The following CCDC102B variants were observed in gnomAD, a reference collection of about 807,000 sequenced individuals.
CCDC102B encodes coiled-coil domain-containing protein 102B.
CCDC102B carries 75 observed loss-of-function variants against 57.4 expected under a neutral mutation model. The observed-to-expected ratio is 1.31, with a 90% CI of 1.08 to 1.58. CCDC102B has a LOEUF of 1.58. CCDC102B is among the 40% of genes most tolerant of loss of function. The pLI is 0.00. For missense variants in CCDC102B, 636 were observed against 582.6 expected, an observed-to-expected ratio of 1.09 and a Z score of -0.94; for synonymous variants, 206 against 201.9, an observed-to-expected ratio of 1.02 and a Z score of -0.17.
chr18:68,886,557 G>A (rs757340340), intron 5 of CCDC102B, among the ~76,000 whole-genome samples: 15 of 152,070 alleles, frequency 9.9e-5, no homozygotes, highest in Non-Finnish European at 2.1e-4. Context: ...AAAGATTCTT[G>A]ATATATTGTG....
At chr18:68,950,615 A>G (rs1376161141) in intron 6 of CCDC102B, among the ~76,000 whole-genome samples, 4 of 152,108 alleles carry the variant, frequency 2.6e-5, no homozygotes, top group African/African-American at 7.2e-5. Context: ...GTCGATTCTC[A>G]ATCTGTTTCC....
At chr18:68,768,295 C>A (rs1042701349) in intron 2 of CCDC102B, among the ~76,000 whole-genome samples, 1 of 152,202 alleles carries the variant, frequency 6.6e-6, no homozygotes, top group African/African-American at 2.4e-5. Flanking sequence ...CTAATGATAG[C>A]CTTTTCCAGG....
intron 2 of CCDC102B, among the ~76,000 whole-genome samples, chr18:68,749,489 C>T (rs2033759975): frequency 6.6e-6 from 1 of 152,166 alleles, no homozygotes; most frequent in Non-Finnish European, 1.5e-5. Flanking sequence ...AGAGGTCCTT[C>T]ACATCCCTTG....
At chr18:68,807,460 T>C (rs2036075425) in intron 1 of CCDC102B, among the ~76,000 whole-genome samples, 1 of 152,144 alleles carries the variant, frequency 6.6e-6, no homozygotes, top group Non-Finnish European at 1.5e-5. Context: ...GATATGACGT[T>C]ACAGGAATTA....
chr18:68,795,837 C>T (rs1036693258), upstream of CCDC102B, among the ~76,000 whole-genome samples: 1 of 152,092 alleles, frequency 6.6e-6, no homozygotes, highest in African/African-American at 2.4e-5. Context: ...GCAAAAGAAG[C>T]CTCAAAAACA....
intron 6 of CCDC102B, among the ~76,000 whole-genome samples, chr18:68,999,460 A>C (rs1007034934): frequency 2.7e-5 from 4 of 150,014 alleles, no homozygotes; most frequent in African/African-American, 4.9e-5. Context: ...AAAAAAAAAA[A>C]CCCAGTATGG....
chr18:68,785,861 T>G (rs1165343566), intron 2 of CCDC102B, among the ~76,000 whole-genome samples: 2 of 150,796 alleles, frequency 1.3e-5, no homozygotes, highest in South Asian at 2.1e-4. Context: ...TTTTGGCTTT[T>G]GTTGCCATTG....
At chr18:68,915,081 GT>G (rs1416217291) in intron 6 of CCDC102B, among the ~76,000 whole-genome samples, 6 of 152,090 alleles carry the variant, frequency 3.9e-5, no homozygotes, top group Non-Finnish European at 7.4e-5. Flanking sequence ...CTTAAGTGAT[GT>G]ATTTTTAAGG....
chr18:69,018,598 C>T (rs1839725878), intron 7 of CCDC102B, among the ~76,000 whole-genome samples: 1 of 151,868 alleles, frequency 6.6e-6, no homozygotes, highest in African/African-American at 2.4e-5. Context: ...CGTATTCTGC[C>T]CATTTTTTAA....
rs374381297 is a variant in CCDC102B at position 68,837,379 on chromosome 18, A to G, written c.606+10A>G. 23 of 1,595,768 alleles carry G rather than the reference A, an allele frequency of 1.4e-5. No homozygotes were observed. In the African/African-American group the frequency reaches 3.1e-4, roughly 22 times the overall value. Reference sequence around the variant, plus strand: ...GGACACAAATAATAAGGTAAGAAAAAAATCCAGAGATGATGTGAATTTCTG... The same window carrying G: ...GGACACAAATAATAAGGTAAGAAAAGAATCCAGAGATGATGTGAATTTCTG... On this transcript the variant is annotated intron_variant, in intron 2 of 7. Transcript: ENST00000360242.
chr18:68,840,825 C>T (rs942306732), intron 3 of CCDC102B, among the ~76,000 whole-genome samples: 3 of 152,126 alleles, frequency 2.0e-5, no homozygotes, highest in Non-Finnish European at 2.9e-5. Flanking sequence ...TGTCTTAACA[C>T]GCTTATCCAT....
intron 7 of CCDC102B, among the ~76,000 whole-genome samples, chr18:69,021,162 A>G (rs2051822782): frequency 6.6e-6 from 1 of 152,222 alleles, no homozygotes; most frequent in Admixed American, 6.5e-5. Context: ...AACTGACAGA[A>G]CATTAATTAT....
chr18:68,950,618 C>T (rs2049670524), intron 6 of CCDC102B, among the ~76,000 whole-genome samples: 1 of 152,094 alleles, frequency 6.6e-6, no homozygotes, highest in Non-Finnish European at 1.5e-5. Flanking sequence ...GATTCTCAAT[C>T]TGTTTCCCCC....
intron 6 of CCDC102B, among the ~76,000 whole-genome samples, chr18:68,990,164 GT>G (rs2050827401): frequency 1.3e-5 from 2 of 152,144 alleles, no homozygotes; most frequent in Non-Finnish European, 2.9e-5. Flanking sequence ...GCACCACTCT[GT>G]CCCCCAAACT....
At chr18:69,050,482 A>G (rs1285362881) in intron 7 of CCDC102B, among the ~76,000 whole-genome samples, 2 of 152,212 alleles carry the variant, frequency 1.3e-5, no homozygotes, top group Non-Finnish European at 2.9e-5. Context: ...ATAGCCAAGA[A>G]TCACTTACAA....
At chr18:68,917,581 C>CT (rs1418918204) in intron 6 of CCDC102B, among the ~76,000 whole-genome samples, 1 of 152,106 alleles carries the variant, frequency 6.6e-6, no homozygotes, top group Non-Finnish European at 1.5e-5. Context: ...TTAAAGTATC[C>CT]TTCTATCTTG....
chr18:68,968,981 C>G (rs963682562), intron 6 of CCDC102B, among the ~76,000 whole-genome samples: 12 of 151,964 alleles, frequency 7.9e-5, no homozygotes, highest in Non-Finnish European at 1.8e-4. Flanking sequence ...ACCAATTATA[C>G]CTTAATAAAG....
At chr18:68,764,447 T>C (rs2034359395) in intron 2 of CCDC102B, among the ~76,000 whole-genome samples, 1 of 152,204 alleles carries the variant, frequency 6.6e-6, no homozygotes, top group South Asian at 2.1e-4. Context: ...ACCCAGTTAG[T>C]ATATGGCAGA....
intron 6 of CCDC102B, among the ~76,000 whole-genome samples, chr18:68,921,439 A>G (rs1294858583): frequency 1.3e-5 from 2 of 152,194 alleles, no homozygotes; most frequent in Admixed American, 1.3e-4. Flanking sequence ...TGGAACTGTC[A>G]GTGTGTTACT....
Sources: allele counts gnomAD v4.1 joint callset (sites outside exome capture counted in the v4.1 genomes callset), GRCh38; gene constraint gnomAD v4.1.1; transcripts MANE v1.5; gene names NCBI Gene and HGNC (gene_info 2026-07-23, HGNC 2026-07-21).